PARP3: variants seen among roughly 807,000 people sequenced by gnomAD.
PARP3 encodes the protein poly(ADP-ribose) polymerase family member 3.
In PARP3, 46 loss-of-function variants were observed where a neutral mutation model predicts 58.2. The observed-to-expected ratio is 0.79, with a 90% CI of 0.62 to 1.01. The LOEUF (loss-of-function observed/expected upper bound fraction) is 1.01, where lower values mean the gene tolerates loss of function less well. Among genes scored for constraint, PARP3 ranks in the 50% least tolerant of loss-of-function variants. PARP3 has a pLI of 0.00. For missense variants in PARP3, 663 were observed against 683.9 expected, an observed-to-expected ratio of 0.97 and a Z score of 0.34; for synonymous variants, 252 against 266.4, an observed-to-expected ratio of 0.95 and a Z score of 0.53.
At chr3:51,948,224 A>T in intron 10 of PARP3, 87 bp from the exon 11 acceptor site, 1 of 1,325,434 alleles carries the variant, frequency 7.5e-7, no homozygotes, top group Non-Finnish European at 1.0e-6. Flanking sequence ...CCTGTGACAG[A>T]CATGGAGAGC....
At chr3:51,942,777 A>G (rs1699575612) in intron 1 of PARP3, 69 bp downstream of exon 1, 1 of 1,541,672 alleles carries the variant, frequency 6.5e-7, no homozygotes, top group African/African-American at 1.4e-5. Flanking sequence ...TTTGCCCTCT[A>G]TCAGTTCAAG....
rs151156865 is a variant in PARP3 at position 51,944,756 on chromosome 3, C to T, written c.502-22C>T. 8,655 of 1,598,258 alleles carry T rather than the reference C, an allele frequency of 5.4e-3. 40 individuals are homozygous for T. Among genetic ancestry groups the T allele is most frequent in the South Asian group, 0.011 (954 of 89,618 alleles). On this transcript the variant is annotated intron_variant, in intron 4 of 10. Coordinates refer to ENST00000398755, the MANE Select transcript of PARP3 (RefSeq NM_001003931.4). The surrounding 1 kb of genome is among the most constrained non-coding windows in gnomAD (Gnocchi z 4.2). ...CACGCCCTGCCCCGCTGCTCCTGCC[C>T]ACATGTGCCCTCTATCTTCAGGTGG... is the stretch of plus-strand genomic sequence containing the variant.
At position 51,942,551 on chromosome 3, in the gene PARP3, AC is replaced by A; in HGVS notation, c.-159del. On this transcript the variant is annotated 5_prime_UTR_variant, in exon 1 of 11. An upstream open reading frame in the 5' UTR gains an earlier in-frame stop. Coordinates refer to ENST00000398755, the MANE Select transcript of PARP3 (RefSeq NM_001003931.4). ...AAATAGCCGATGTCTAATCCCCCAC[AC>A]AAGCTCATCCCCGGCCTCTGGCGAT... The A allele has an allele frequency of 1.4e-6, 1 of 720,406 alleles. No individual in the cohort carries two copies. The highest frequency in any genetic ancestry group is 2.6e-6 in the Non-Finnish European group (1 of 389,208). 44.6% of individuals were successfully genotyped at this position (720,406 alleles called of 1,614,324 possible).
Position 51,944,317 on chromosome 3 carries a change from C to T in PARP3, c.313-73C>T. 1.2e-6 allele frequency: 2 copies of T among 1,605,950 alleles called. No homozygotes were observed. The highest frequency in any genetic ancestry group is 1.7e-6 in the Non-Finnish European group (2 of 1,174,940). The stretch of plus-strand genomic sequence containing the variant: ...CTCCCAACTGTCCCAGGGCACTCAG[C>T]ACAGGGCCTGGCCCGACACACAGGC... On this transcript the variant is annotated intron_variant, in intron 3 of 10. Coordinates refer to ENST00000398755, the MANE Select transcript of PARP3 (RefSeq NM_001003931.4). This position sits in a 1 kb window ranked among gnomAD's most constrained non-coding sequence, Gnocchi z 4.2.
chr3:51,947,783 C>A lies in PARP3; in HGVS notation c.1320C>A (p.Phe440Leu). 1 of 1,614,186 alleles carries A rather than the reference C, an allele frequency of 6.2e-7. No homozygotes were observed. Among genetic ancestry groups the A allele is most frequent in the Non-Finnish European group, 8.5e-7 (1 of 1,180,018 alleles). ...GGGCCCACCATGTCGGCTACATGTT[C>A]CTGGGTGAGGTGGCCCTGGGCAGAG... is the stretch of plus-strand genomic sequence containing the variant. ...KCGAHHVGYM[F>L]LGEVALGREH... is the part of the protein sequence containing the mutation. The change falls in exon 10 of 11, where the codon TTC becomes TTA. Residue 440 changes from phenylalanine to leucine, a missense_variant. Coordinates refer to ENST00000398755, the MANE Select transcript of PARP3 (RefSeq NM_001003931.4).
Position 51,945,487 on chromosome 3 carries a change from C to T in PARP3, c.862-8C>T. On this transcript the variant is annotated splice_polypyrimidine_tract_variant and splice_region_variant and intron_variant, in intron 6 of 10. Coordinates refer to ENST00000398755, the MANE Select transcript of PARP3 (RefSeq NM_001003931.4). Reference sequence around the variant, plus strand: ...GGGAAGACAAACTGCCAGGGCCCATCATCCTAGGTGCTGGCGGACATCGAG... The same window carrying T: ...GGGAAGACAAACTGCCAGGGCCCATTATCCTAGGTGCTGGCGGACATCGAG... 6.2e-7 allele frequency: 1 copy of T among 1,612,408 alleles called. No individual in the cohort carries two copies. Among genetic ancestry groups the T allele is most frequent in the Non-Finnish European group, 8.5e-7 (1 of 1,179,052 alleles).
chr3:51,947,384 G>A (rs554123505), intron 9 of PARP3, among the ~76,000 whole-genome samples: 1 of 152,234 alleles, frequency 6.6e-6, no homozygotes, highest in Non-Finnish European at 1.5e-5. Context: ...AAAGAGTGGC[G>A]GGGTGGAGGG....
intron 9 of PARP3, 189 bp from the exon 10 acceptor site, chr3:51,947,551 G>C: frequency 3.2e-6 from 2 of 627,204 alleles, no homozygotes; most frequent in Admixed American, 2.8e-5. Context: ...ACAGATGCCT[G>C]GCCATAGGGA....
In PARP3 at chr3:51,944,321, G is replaced by T; in HGVS notation, c.313-69G>T. ...CAACTGTCCCAGGGCACTCAGCACA[G>T]GGCCTGGCCCGACACACAGGCCAGC... On this transcript the variant is annotated intron_variant, in intron 3 of 10. Coordinates refer to ENST00000398755, the MANE Select transcript of PARP3 (RefSeq NM_001003931.4). The surrounding 1 kb of genome is among the most constrained non-coding windows in gnomAD (Gnocchi z 4.2). 2 of 1,606,744 alleles carry T rather than the reference G, an allele frequency of 1.2e-6. No homozygotes were observed. The highest frequency in any genetic ancestry group is 2.2e-5 in the South Asian group (2 of 90,098).
In PARP3 at chr3:51,943,351, C is replaced by A; in HGVS notation, c.-2-3C>A. 1 of 1,566,314 alleles carries A rather than the reference C, an allele frequency of 6.4e-7. No homozygotes were observed. Among genetic ancestry groups the A allele is most frequent in the Non-Finnish European group, 8.6e-7 (1 of 1,156,518 alleles). On this transcript the variant is annotated splice_polypyrimidine_tract_variant and splice_region_variant and intron_variant, in intron 1 of 10. Coordinates refer to ENST00000398755, the MANE Select transcript of PARP3 (RefSeq NM_001003931.4). ...CTAAGGGCCTCTCTGTGCCCCAGGA[C>A]AGCCATGGCTCCAAAGCCGAAGCCC... is the stretch of plus-strand genomic sequence containing the variant.
Position 51,948,746 on chromosome 3 carries a change from G to C in PARP3, c.*266G>C. On this transcript the variant is annotated 3_prime_UTR_variant, in exon 11 of 11. Coordinates refer to ENST00000398755, the MANE Select transcript of PARP3 (RefSeq NM_001003931.4). The stretch of plus-strand genomic sequence containing the variant: ...ACTTGTATAAGGGCAGCTTTTATAG[G>C]TTCCACATGTAAGTGAGATCATGCA... 2.3e-6 allele frequency: 1 copy of C among 438,080 alleles called. No homozygotes were observed. The highest frequency in any genetic ancestry group is 4.1e-6 in the Non-Finnish European group (1 of 246,018). 27.1% of individuals were successfully genotyped at this position (438,080 alleles called of 1,614,324 possible). A position where few individuals can be genotyped will look rare whatever the true frequency, so the allele number is the denominator to read the frequency against.
Position 51,943,520 on chromosome 3 carries a change from C to T in PARP3, c.165C>T (p.Ser55=), listed in dbSNP as rs752700887. The part of the protein sequence containing the change: ...IIRVDPTCPL[S]SNPGTQVYED... ...GCGTGGATCCAACATGTCCACTCAG[C>T]AGCAACCCCGGGACCCAGGTGAGCT... The change falls in exon 2 of 11, where the codon AGC becomes AGT. Residue 55 remains serine (S), a synonymous_variant. Coordinates refer to ENST00000398755, the MANE Select transcript of PARP3 (RefSeq NM_001003931.4). 1.2e-6 allele frequency: 2 copies of T among 1,610,176 alleles called. No individual in the cohort carries two copies. The highest frequency in any genetic ancestry group is 1.7e-6 in the Non-Finnish European group (2 of 1,178,712).
In PARP3 at chr3:51,944,893, T is replaced by G; in HGVS notation, c.617T>G (p.Met206Arg). 1 of 1,613,866 alleles carries G rather than the reference T, an allele frequency of 6.2e-7. No homozygotes were observed. Among genetic ancestry groups the G allele is most frequent in the Non-Finnish European group, 8.5e-7 (1 of 1,180,008 alleles). Residue 206 changes from methionine (M) to arginine (R), a missense_variant, in exon 5 of 11, where the codon ATG becomes AGG. By Grantham distance (91) the Met-to-Arg change is moderately conservative (BLOSUM62 -1). Around this residue, in one of 3 missense-constraint regions of PARP3, gnomAD observed 567 missense variants for 553.6 expected, o/e 1.02. Transcript: ENST00000398755. The surrounding 1 kb of genome is among the most constrained non-coding windows in gnomAD (Gnocchi z 4.2). The part of the protein sequence containing the change: ...IFSKEMFKNT[M>R]ALMDLDVKKM... ...AGCAAGGAGATGTTCAAGAACACCA[T>G]GGCCCTCATGGACCTGGGTGAGGGG...
At position 51,945,562 on chromosome 3, in the gene PARP3, A is replaced by T. The variant is rs1418679590; in HGVS notation, c.929A>T (p.Glu310Val). ...AVSEQEKTVEEVPHPLDRDYQ... is the reference protein window; with the variant it reads ...AVSEQEKTVEVVPHPLDRDYQ... ...TCTGAGCAGGAGAAGACGGTGGAGG[A>T]GGTGCCACACCCCCTGGACCGAGAC... The change falls in exon 7 of 11, where the codon GAG becomes GTG. Residue 310 changes from glutamate to valine, a missense_variant. Coordinates refer to ENST00000398755, the MANE Select transcript of PARP3 (RefSeq NM_001003931.4). 1 of 1,613,640 alleles carries T rather than the reference A, an allele frequency of 6.2e-7. No individual in the cohort carries two copies. The highest frequency in any genetic ancestry group is 8.5e-7 in the Non-Finnish European group (1 of 1,179,954).
intron 9 of PARP3, 83 bp from the exon 10 acceptor site, chr3:51,947,657 A>T: frequency 6.9e-7 from 1 of 1,456,164 alleles, no homozygotes; most frequent in Non-Finnish European, 9.5e-7. Context: ...AGCCAGAAGG[A>T]ATAACATCGC....
Position 51,946,777 on chromosome 3 carries a change from C to T in PARP3, c.1276+434C>T, listed in dbSNP as rs1055696997. ...AAAAATAAAAATAAAAAAGAGGAGA[C>T]GTCAAGGCAAGGGGATAGGCAGAGA... On this transcript the variant is annotated intron_variant, in intron 9 of 10. Coordinates refer to ENST00000398755, the MANE Select transcript of PARP3 (RefSeq NM_001003931.4). This position sits in a 1 kb window ranked among gnomAD's most constrained non-coding sequence, Gnocchi z 4.6. Among the ~76,000 whole-genome samples, 15 of 152,142 alleles carry T rather than the reference C, an allele frequency of 9.9e-5. No individual in the cohort carries two copies. The highest frequency in any genetic ancestry group is 1.6e-4 in the Non-Finnish European group (11 of 68,016).
Position 51,946,541 on chromosome 3 carries a change from C to T in PARP3, c.1276+198C>T, listed in dbSNP as rs1179048286. The stretch of plus-strand genomic sequence containing the variant: ...AGTGTCTGATGGTCAGGGATGGCTT[C>T]CTGGGGGAGGCAATACAGATAGGAT... On this transcript the variant is annotated intron_variant, in intron 9 of 10. Transcript: ENST00000398755. The surrounding 1 kb of genome is among the most constrained non-coding windows in gnomAD (Gnocchi z 4.6). Among the ~76,000 whole-genome samples the T allele has an allele frequency of 6.6e-6, 1 of 152,008 alleles. No individual in the cohort carries two copies. The highest frequency in any genetic ancestry group is 2.4e-5 in the African/African-American group (1 of 41,370).
In PARP3 at chr3:51,946,234, C is replaced by A. The variant is rs200600625; in HGVS notation, c.1167C>A (p.Ala389=). ...RKLLWHGTNM[A]VVAAILTSGL... ...TGCTGTGGCATGGCACCAACATGGC[C>A]GTGGTGGCCGCCATCCTCACTAGTG... is the stretch of plus-strand genomic sequence containing the variant. The change falls in exon 9 of 11, where the codon GCC becomes GCA. Residue 389 remains alanine, a synonymous_variant. Coordinates refer to ENST00000398755, the MANE Select transcript of PARP3 (RefSeq NM_001003931.4). This position sits in a 1 kb window ranked among gnomAD's most constrained non-coding sequence, Gnocchi z 4.6. The A allele has an allele frequency of 1.2e-6, 2 of 1,613,778 alleles. No individual in the cohort carries two copies. Among genetic ancestry groups the A allele is most frequent in the Non-Finnish European group, 1.7e-6 (2 of 1,179,850 alleles).
Position 51,945,523 on chromosome 3 carries a change from C to A in PARP3, c.890C>A (p.Ala297Asp), listed in dbSNP as rs1699655784. ...CTGGCGGACATCGAGCTGGCCCAGG[C>A]CCTGCAGGCAGTCTCTGAGCAGGAG... ...LVLADIELAQALQAVSEQEKT... is the reference protein window; with the variant it reads ...LVLADIELAQDLQAVSEQEKT... Residue 297 changes from alanine (A) to aspartate (D), a missense_variant, in exon 7 of 11, where the codon GCC becomes GAC. By Grantham distance (126) the Ala-to-Asp change is moderately radical (BLOSUM62 -2). Around this residue, in one of 3 missense-constraint regions of PARP3, gnomAD observed 567 missense variants for 553.6 expected, o/e 1.02. Transcript: ENST00000398755. 6.2e-7 allele frequency: 1 copy of A among 1,613,748 alleles called. No homozygotes were observed. Among genetic ancestry groups the A allele is most frequent in the Non-Finnish European group, 8.5e-7 (1 of 1,179,934 alleles).
Sources: allele counts gnomAD v4.1 joint callset (sites outside exome capture counted in the v4.1 genomes callset), GRCh38; gene constraint gnomAD v4.1.1; regional missense constraint gnomAD v4.1.1; non-coding constraint Gnocchi (gnomAD v3.1); transcripts MANE v1.5; gene names NCBI Gene and HGNC (gene_info 2026-07-23, HGNC 2026-07-21).